Variants in PSME4 observed in about 807,000 individuals in gnomAD.
PSME4 encodes the protein proteasome activator subunit 4.
Under a neutral mutation model 253.9 loss-of-function variants are expected in PSME4, and 89 were observed. That is an observed-to-expected ratio of 0.35 (90% CI 0.30 to 0.42). The LOEUF (loss-of-function observed/expected upper bound fraction) is 0.42, where lower values mean the gene tolerates loss of function less well. PSME4 is among the 10% of genes least tolerant of loss of function. PSME4 has a pLI of 1.00. For missense variants in PSME4, 2,014 were observed against 2,195.2 expected, an observed-to-expected ratio of 0.92 and a Z score of 1.65; for synonymous variants, 851 against 759.2, an observed-to-expected ratio of 1.12 and a Z score of -1.99.
intron 1 of PSME4, among the ~76,000 whole-genome samples, chr2:53,963,701 C>CA (rs1264640405): frequency 6.6e-6 from 1 of 151,800 alleles, no homozygotes; most frequent in Non-Finnish European, 1.5e-5. Context: ...AAACCTTAGG[C>CA]AAAAAAATGC....
At position 53,866,833 on chromosome 2, in the gene PSME4, G is replaced by C; in HGVS notation, c.5311C>G (p.Leu1771Val). The C allele has an allele frequency of 1.9e-6, 3 of 1,614,048 alleles. No homozygotes were observed. Among genetic ancestry groups the C allele is most frequent in the Non-Finnish European group, 2.5e-6 (3 of 1,179,936 alleles). The part of the protein sequence containing the change: ...AGVLGLGACV[L>V]SSPYDVPTWM... ...GTGGGAACATCGTAAGGACTAGAAA[G>C]AACACATGCACCAAGTCCTAGCACC... The change falls in exon 45 of 47, where the codon CTT becomes GTT. Residue 1771 changes from leucine to valine, a missense_variant. By Grantham distance (32) the Leu-to-Val change is conservative. Transcript: ENST00000404125.
chr2:53,891,797 T>A (rs1381110892), intron 36 of PSME4, among the ~76,000 whole-genome samples: 3 of 148,174 alleles, frequency 2.0e-5, no homozygotes, highest in Non-Finnish European at 4.4e-5. Flanking sequence ...GAGGTTGCAG[T>A]GAGCAATGAT....
At chr2:53,922,473 A>C in intron 17 of PSME4, 44 bp downstream of exon 17, 1 of 1,584,744 alleles carries the variant, frequency 6.3e-7, no homozygotes, top group Non-Finnish European at 8.6e-7. Context: ...AAAGCAAGTC[A>C]GTGTTTTCAC....
chr2:53,873,108 C>T (rs542816658), intron 43 of PSME4, among the ~76,000 whole-genome samples: 3 of 151,846 alleles, frequency 2.0e-5, no homozygotes, highest in East Asian at 3.9e-4. Flanking sequence ...GGCATGGTGG[C>T]GGGCGCCTGT....
At position 53,898,633 on chromosome 2, in the gene PSME4, GCACACACA is replaced by G. The variant is rs199900623; in HGVS notation, c.3423-287_3423-280del. On this transcript the variant is annotated intron_variant, in intron 29 of 46. Transcript: ENST00000404125. ...AGTAGTAATCAATTAATTGGGAGTGGCACACACACACACACACACACACACACACACAC... is the reference window on the plus strand; with the variant it reads ...AGTAGTAATCAATTAATTGGGAGTGGCACACACACACACACACACACACAC... Among the ~76,000 whole-genome samples, 323 of 142,498 alleles carry G rather than the reference GCACACACA, an allele frequency of 2.3e-3. 1 individual carries two copies. The highest frequency in any genetic ancestry group is 0.011 in the Middle Eastern group (3 of 282). 93.5% of individuals were successfully genotyped at this position (142,498 alleles called of 152,430 possible).
intron 11 of PSME4, among the ~76,000 whole-genome samples, chr2:53,927,881 A>G (rs923095796): frequency 6.6e-6 from 1 of 152,194 alleles, no homozygotes; most frequent in Admixed American, 6.5e-5. Flanking sequence ...CAGGAGGTGG[A>G]TCACAGTGCA....
At chr2:53,875,146 T>C (rs910808040) in intron 42 of PSME4, among the ~76,000 whole-genome samples, 1 of 152,152 alleles carries the variant, frequency 6.6e-6, no homozygotes, top group African/African-American at 2.4e-5. Context: ...TATTTTCCAG[T>C]GTGGTTATCA....
chr2:53,902,355 G>T (rs1485255621), intron 27 of PSME4, among the ~76,000 whole-genome samples: 3 of 152,134 alleles, frequency 2.0e-5, no homozygotes, highest in African/African-American at 7.2e-5. Flanking sequence ...TGATTCTGAT[G>T]ACAGCAGGTA....
At chr2:53,900,605 T>G (rs1266395904) in intron 28 of PSME4, among the ~76,000 whole-genome samples, 1 of 152,202 alleles carries the variant, frequency 6.6e-6, no homozygotes, top group Non-Finnish European at 1.5e-5. Context: ...TATTCTACTG[T>G]GCATATAACA....
intron 1 of PSME4, among the ~76,000 whole-genome samples, chr2:53,964,722 G>C (rs1670636462): frequency 1.3e-5 from 2 of 152,230 alleles, no homozygotes; most frequent in Admixed American, 1.3e-4. Context: ...GGGATGATAT[G>C]AATGTGGGTG....
chr2:53,895,548 G>T (rs746990251), intron 33 of PSME4, 35 bp downstream of exon 33: 2 of 1,564,806 alleles, frequency 1.3e-6, no homozygotes, highest in South Asian at 2.5e-5. Context: ...TATATCAAAG[G>T]CATTTAATGA....
chr2:53,897,811 G>A, intron 31 of PSME4, 59 bp downstream of exon 31: 1 of 1,547,712 alleles, frequency 6.5e-7, no homozygotes, highest in South Asian at 1.1e-5. Context: ...AGAATTTAAA[G>A]ACTTCAGGTC....
chr2:53,968,142 G>T (rs943244892), intron 1 of PSME4, among the ~76,000 whole-genome samples: 1 of 151,902 alleles, frequency 6.6e-6, no homozygotes, highest in Non-Finnish European at 1.5e-5. Flanking sequence ...AGGCATGGTG[G>T]CACTCGCCTA....
intron 34 of PSME4, among the ~76,000 whole-genome samples, chr2:53,894,772 G>A (rs1457421109): frequency 6.6e-6 from 1 of 152,140 alleles, no homozygotes; most frequent in Non-Finnish European, 1.5e-5. Flanking sequence ...AGCCAACGGA[G>A]GGCTGAATGG....
chr2:53,949,445 T>G (rs903342406), intron 1 of PSME4, among the ~76,000 whole-genome samples, 162 bp from the exon 2 acceptor site: 9 of 142,566 alleles, frequency 6.3e-5, no homozygotes, highest in Non-Finnish European at 1.4e-4. Flanking sequence ...AATGGATTAT[T>G]GTCTTTTTTT....
chr2:53,911,219 CT>C (rs1205613192), intron 20 of PSME4, among the ~76,000 whole-genome samples: 1 of 152,084 alleles, frequency 6.6e-6, no homozygotes, highest in African/African-American at 2.4e-5. Flanking sequence ...GCAACAATAC[CT>C]TCTCAAGTTT....
At chr2:53,953,164 A>T (rs1044459041) in intron 1 of PSME4, among the ~76,000 whole-genome samples, 2 of 152,188 alleles carry the variant, frequency 1.3e-5, no homozygotes, top group African/African-American at 4.8e-5. Context: ...CATTTATCAA[A>T]ATATGGTGCA....
intron 12 of PSME4, 51 bp downstream of exon 12, chr2:53,927,343 C>T (rs772151020): frequency 1.6e-6 from 2 of 1,274,020 alleles, no homozygotes; most frequent in Admixed American, 3.5e-5. Context: ...TATGCATATG[C>T]AATAATAATT....
intron 10 of PSME4, among the ~76,000 whole-genome samples, chr2:53,928,772 A>G (rs1009526519): frequency 2.6e-5 from 4 of 152,210 alleles, no homozygotes; most frequent in African/African-American, 9.7e-5. Flanking sequence ...ACTGTACACA[A>G]ATAAAGGAAA....
Sources: gnomAD v4.1 joint callset for allele counts (sites outside exome capture counted in the v4.1 genomes callset) on GRCh38, gnomAD v4.1.1 for gene constraint, MANE v1.5 for transcripts, NCBI Gene and HGNC (gene_info 2026-07-23, HGNC 2026-07-21) for gene names.